GCC2: variants seen among roughly 807,000 people sequenced by gnomAD.
GCC2 encodes GRIP and coiled-coil domain containing 2, also known as GRIP and coiled-coil domain-containing protein 2.
Under a neutral mutation model 210.6 loss-of-function variants are expected in GCC2, and 120 were observed. That is an observed-to-expected ratio of 0.57 (90% CI 0.49 to 0.66). The LOEUF (loss-of-function observed/expected upper bound fraction) is 0.66. GCC2 is among the 30% of genes least tolerant of loss of function. GCC2 has a pLI of 0.00. For missense variants in GCC2, 1,868 were observed against 1,871.9 expected (o/e 1.00, Z 0.04); for synonymous variants, 703 against 652.7 (o/e 1.08, Z -1.17).
At chr2:108,490,172 G>A (rs983786033) in intron 18 of GCC2, 158 bp downstream of exon 18, 5 of 467,650 alleles carry the variant, frequency 1.1e-5, no homozygotes, top group Non-Finnish European at 1.9e-5. Flanking sequence ...TTAGAGCTTC[G>A]CCTTTTACAT....
Position 108,476,489 on chromosome 2 carries a change from C to A in GCC2, c.3060+639C>A, listed in dbSNP as rs1681531498. On this transcript the variant is annotated intron_variant, in intron 9 of 22. Transcript: ENST00000309863. ...TATTGTTCTGGCCAAGTGAATAAACCTGAAGCTTAAACAAGGTGAAGCATT... is the reference window on the plus strand; with the variant it reads ...TATTGTTCTGGCCAAGTGAATAAACATGAAGCTTAAACAAGGTGAAGCATT... Among the ~76,000 whole-genome samples the A allele has an allele frequency of 2.0e-5, 3 of 152,126 alleles. No homozygotes were observed. In the South Asian group the frequency reaches 6.2e-4, roughly 32 times the overall value.
chr2:108,477,838 G>A (rs1445186136), intron 9 of GCC2, among the ~76,000 whole-genome samples: 1 of 152,116 alleles, frequency 6.6e-6, no homozygotes, highest in Admixed American at 6.5e-5. Context: ...TTGAGGCCAG[G>A]AGTTTGAGAT....
At chr2:108,500,944 A>G (rs552757826) in intron 22 of GCC2, among the ~76,000 whole-genome samples, 97 of 152,266 alleles carry the variant, frequency 6.4e-4, no homozygotes, top group African/African-American at 2.3e-3. Flanking sequence ...AGTATCCTAA[A>G]TAGGGCTCAT....
In GCC2 at chr2:108,471,093, G is replaced by A. The variant is rs1402462037; in HGVS notation, c.1764G>A (p.Lys588=). 2 of 1,582,006 alleles carry A rather than the reference G, an allele frequency of 1.3e-6. No individual in the cohort carries two copies. The highest frequency in any genetic ancestry group is 1.7e-5 in the Admixed American group (1 of 58,678). ...CCATGTTAAAAGAATTAGAAGGAAAGATAAATTCTCTTACTGAGGAAAAAG... is the reference window on the plus strand; with the variant it reads ...CCATGTTAAAAGAATTAGAAGGAAAAATAAATTCTCTTACTGAGGAAAAAG... ...RDTMLKELEG[K]INSLTEEKDD... is the part of the protein sequence containing the mutation. The change falls in exon 6 of 23, where the codon AAG becomes AAA. Residue 588 remains lysine (K), a synonymous_variant. Transcript: ENST00000309863.
At chr2:108,449,794 T>A in intron 2 of GCC2, 105 bp downstream of exon 2, 1 of 803,664 alleles carries the variant, frequency 1.2e-6, no homozygotes, top group Non-Finnish European at 2.1e-6. Flanking sequence ...TTTTTTTTAA[T>A]AGCCTTGCTC....
Position 108,449,373 on chromosome 2 carries a change from C to T in GCC2, c.6+93C>T. The T allele has an allele frequency of 2.0e-6, 3 of 1,500,090 alleles. No homozygotes were observed. In the South Asian group the frequency reaches 3.8e-5, roughly 19 times the overall value. 92.9% of individuals were successfully genotyped at this position (1,500,090 alleles called of 1,614,324 possible). ...GCCCGATGGGAGGGCGCGGTAGTCT[C>T]CCTCTTGGTGTCCCGAAGCCCGCGC... On this transcript the variant is annotated intron_variant, in intron 1 of 22. Coordinates refer to ENST00000309863, the MANE Select transcript of GCC2 (RefSeq NM_181453.4).
chr2:108,453,319 C>T (rs764024704), intron 4 of GCC2, among the ~76,000 whole-genome samples: 25 of 152,304 alleles, frequency 1.6e-4, no homozygotes, highest in Middle Eastern at 6.8e-3. Flanking sequence ...CCTATTATAG[C>T]TTTAAGATAT....
At chr2:108,472,794 GTTTTGTGTTTTT>G in intron 6 of GCC2, 21 bp from the exon 7 acceptor site, 1 of 1,273,348 alleles carries the variant, frequency 7.9e-7, no homozygotes, top group Non-Finnish European at 1.1e-6. Flanking sequence ...TTTTTGTTTT[GTTTTGTGTTTTT>G]TTTTCCCCTG....
intron 11 of GCC2, 127 bp downstream of exon 11, chr2:108,482,578 AC>A (rs1384921881): frequency 1.9e-6 from 1 of 536,546 alleles, no homozygotes; most frequent in African/African-American, 2.0e-5. Flanking sequence ...ATTCCTTAAT[AC>A]CAACCATAAA....
chr2:108,505,412 C>T (rs1245912028), intron 22 of GCC2, among the ~76,000 whole-genome samples: 7 of 152,160 alleles, frequency 4.6e-5, no homozygotes, highest in Non-Finnish European at 1.0e-4. Context: ...CTCATTCCCT[C>T]CTCCAGAAAT....
chr2:108,467,047 A>G (rs1336789835), intron 4 of GCC2, among the ~76,000 whole-genome samples: 1 of 152,168 alleles, frequency 6.6e-6, no homozygotes, highest in Non-Finnish European at 1.5e-5. Flanking sequence ...GTAAATCATG[A>G]TATCTAGGAG....
intron 7 of GCC2, 172 bp from the exon 8 acceptor site, chr2:108,475,363 T>C: frequency 4.6e-6 from 2 of 435,396 alleles, no homozygotes; most frequent in East Asian, 7.6e-5. Flanking sequence ...ATTGTTTGTC[T>C]CACATAATGA....
chr2:108,449,333 G>T, intron 1 of GCC2, 53 bp downstream of exon 1: 1 of 1,537,582 alleles, frequency 6.5e-7, no homozygotes, highest in African/African-American at 1.4e-5. Flanking sequence ...GCCGCGATTT[G>T]GGATGTGGGA....
chr2:108,501,514 C>T (rs1162909414), intron 22 of GCC2, among the ~76,000 whole-genome samples: 1 of 152,070 alleles, frequency 6.6e-6, no homozygotes, highest in African/African-American at 2.4e-5. Flanking sequence ...CTTTCTAAGA[C>T]ATCAAGAGGC....
intron 22 of GCC2, among the ~76,000 whole-genome samples, chr2:108,506,561 G>A (rs1425053390): frequency 6.6e-6 from 1 of 152,198 alleles, no homozygotes; most frequent in Non-Finnish European, 1.5e-5. Context: ...GCTATATGCT[G>A]AAAAGGGCAG....
intron 19 of GCC2, chr2:108,493,388 G>T (rs185013598): frequency 1.0e-6 from 1 of 968,872 alleles, no homozygotes; most frequent in Non-Finnish European, 1.2e-6. Flanking sequence ...GCGCCTGGCC[G>T]ACACATGTCT....
At position 108,470,259 on chromosome 2, in the gene GCC2, C is replaced by T. The variant is rs763857256; in HGVS notation, c.930C>T (p.Asn310=). 3.1e-6 allele frequency: 5 copies of T among 1,613,542 alleles called. No homozygotes were observed. In the South Asian group the frequency reaches 5.5e-5, roughly 18 times the overall value. The change falls in exon 6 of 23, where the codon AAC becomes AAT. Residue 310 remains asparagine, a synonymous_variant. Coordinates refer to ENST00000309863, the MANE Select transcript of GCC2 (RefSeq NM_181453.4). ...TAAGGAAAGCCACCTCAAATGCAAA[C>T]CAAGACAATCAGATATGTTCTATTC... The part of the protein sequence containing the change: ...ENLRKATSNA[N]QDNQICSILL...
At chr2:108,457,284 G>A (rs1680324197) in intron 4 of GCC2, among the ~76,000 whole-genome samples, 1 of 152,146 alleles carries the variant, frequency 6.6e-6, no homozygotes, top group Non-Finnish European at 1.5e-5. Context: ...CATTGTCGAA[G>A]ATCGGTTGTG....
Position 108,472,053 on chromosome 2 carries a change from C to T in GCC2, c.2724C>T (p.Asn908=), listed in dbSNP as rs750652114. ...KEKCFIKEHE[N]LKPLLEQKEL... ...AATGTTTTATAAAGGAACATGAAAA[C>T]CTAAAGCCACTACTAGAACAAAAAG... The change falls in exon 6 of 23, where the codon AAC becomes AAT. Residue 908 remains asparagine (N), a synonymous_variant. Coordinates refer to ENST00000309863, the MANE Select transcript of GCC2 (RefSeq NM_181453.4). The T allele has an allele frequency of 2.5e-6, 4 of 1,585,080 alleles. No homozygotes were observed. The highest frequency in any genetic ancestry group is 1.4e-5 in the African/African-American group (1 of 72,880).
Sources: allele counts gnomAD v4.1 joint callset (sites outside exome capture counted in the v4.1 genomes callset), GRCh38; gene constraint gnomAD v4.1.1; transcripts MANE v1.5; gene names NCBI Gene and HGNC (gene_info 2026-07-23, HGNC 2026-07-21).